Variants in ABR observed in about 807,000 individuals in gnomAD.
ABR encodes the protein active breakpoint cluster region-related protein.
A neutral mutation model predicts 107.2 loss-of-function variants in ABR; 35 were observed. The observed-to-expected ratio is 0.33, with a 90% CI of 0.25 to 0.43. The LOEUF is 0.43. ABR is among the 20% of genes least tolerant of loss of function. ABR has a pLI of 1.00. For synonymous variants in ABR, 498 were observed against 462.0 expected, an observed-to-expected ratio of 1.08 and a Z score of -1.00; for missense variants, 815 against 1,115.2, an observed-to-expected ratio of 0.73 and a Z score of 3.83.
intron 1 of ABR, among the ~76,000 whole-genome samples, chr17:1,169,124 C>T (rs963012923): frequency 3.3e-5 from 5 of 152,136 alleles, no homozygotes; most frequent in Non-Finnish European, 5.9e-5. Flanking sequence ...GGAGGGAGGA[C>T]GTGGGTTTTG....
chr17:1,008,343 C>T (rs2070227002), intron 21 of ABR, among the ~76,000 whole-genome samples: 1 of 152,238 alleles, frequency 6.6e-6, no homozygotes, highest in Admixed American at 6.5e-5. Flanking sequence ...CCATCATTCC[C>T]ACCCTCCAGG....
At chr17:1,008,170 C>T (rs919402733) in intron 21 of ABR, among the ~76,000 whole-genome samples, 3 of 152,232 alleles carry the variant, frequency 2.0e-5, no homozygotes, top group South Asian at 4.1e-4. Flanking sequence ...AGATGCTCTG[C>T]GATGCTTCCC....
chr17:1,160,057 T>A (rs1256601917), intron 1 of ABR, among the ~76,000 whole-genome samples: 1 of 152,140 alleles, frequency 6.6e-6, no homozygotes, highest in Non-Finnish European at 1.5e-5. Context: ...CAGCAGGCCC[T>A]GCCTGGAGAC....
chr17:1,059,612 G>A lies in ABR; in HGVS notation c.1183-745C>T, dbSNP rs74925477. On this transcript the variant is annotated intron_variant, in intron 10 of 22. Transcript: ENST00000302538. ...GGCAGACAACCCACCAGGTCCCGTC[G>A]GCTCAGCCTCCCCCTCTCACCAGAC... Among the ~76,000 whole-genome samples the A allele has an allele frequency of 8.5e-5, 13 of 152,260 alleles. No homozygotes were observed. In the East Asian group the frequency reaches 1.5e-3, roughly 18 times the overall value.
upstream of ABR, among the ~76,000 whole-genome samples, chr17:1,180,328 C>T (rs1038670112): frequency 6.6e-6 from 1 of 151,864 alleles, no homozygotes; most frequent in Non-Finnish European, 1.5e-5. Context: ...TCTCCAAGCG[C>T]GGCTTCGCGG....
chr17:1,020,763 TGA>T (rs1327949547), intron 16 of ABR, among the ~76,000 whole-genome samples: 10 of 152,210 alleles, frequency 6.6e-5, no homozygotes, highest in Non-Finnish European at 1.2e-4. Context: ...CCTCCAGGGC[TGA>T]GTTTCAGGAA....
chr17:1,111,398 T>C (rs2038668255), intron 2 of ABR, among the ~76,000 whole-genome samples: 1 of 152,064 alleles, frequency 6.6e-6, no homozygotes, highest in Non-Finnish European at 1.5e-5. Context: ...TCACAGGCCC[T>C]CGGTGCCCCC....
chr17:1,213,217 C>G (rs1313239868), intron 1 of ABR, among the ~76,000 whole-genome samples: 3 of 152,184 alleles, frequency 2.0e-5, no homozygotes, highest in African/African-American at 7.2e-5. Flanking sequence ...AGATGTGAAG[C>G]TGCAGATTCT....
chr17:1,204,981 G>T (rs1381197942), intron 1 of ABR, among the ~76,000 whole-genome samples: 1 of 130,714 alleles, frequency 7.7e-6, no homozygotes, highest in Non-Finnish European at 1.5e-5. Flanking sequence ...TCGGCTCACT[G>T]CATCCTCTGC....
intron 1 of ABR, among the ~76,000 whole-genome samples, chr17:1,224,297 T>C (rs1361345454): frequency 6.6e-6 from 1 of 152,148 alleles, no homozygotes; most frequent in African/African-American, 2.4e-5. Flanking sequence ...ACTAAGCGAA[T>C]TGGCAGACTA....
At chr17:1,223,621 G>A (rs995834244) in intron 1 of ABR, among the ~76,000 whole-genome samples, 3 of 152,148 alleles carry the variant, frequency 2.0e-5, no homozygotes, top group Non-Finnish European at 4.4e-5. Flanking sequence ...TGTTCACACT[G>A]CTGTAAAGAA....
chr17:1,079,485 AG>A lies in ABR; in HGVS notation c.640-96del, dbSNP rs2036035279. ...GGCAAGAAGGGGAGTTCTGAAACTC[AG>A]GGTGTACATATGAGAACAGAGGCCG... is the stretch of plus-strand genomic sequence containing the variant. On this transcript the variant is annotated intron_variant, in intron 5 of 22. Transcript: ENST00000302538. The A allele has an allele frequency of 1.6e-5, 19 of 1,199,898 alleles. No homozygotes were observed. The South Asian group carries it at 2.3e-4, about 15-fold the overall frequency. The allele number at this position is 1,199,898 out of a possible 1,614,324, so 74.3% of individuals were successfully genotyped here.
chr17:1,224,688 T>C (rs1004761988), intron 1 of ABR, among the ~76,000 whole-genome samples: 4 of 152,126 alleles, frequency 2.6e-5, no homozygotes, highest in Non-Finnish European at 5.9e-5. Flanking sequence ...CATTCATATT[T>C]TTTAGAGACA....
At chr17:1,203,637 C>T (rs28441365) in intron 1 of ABR, among the ~76,000 whole-genome samples, 144,797 of 152,146 alleles carry the variant, frequency 0.95, 69,320 homozygotes, top group East Asian at 1. Context: ...GCGAGGAGCC[C>T]GGCGAGTGTT....
rs2040661727 is a variant in ABR, at chr17:1,148,732, T to C, written c.62-23365A>G. Among the ~76,000 whole-genome samples the C allele has an allele frequency of 6.6e-6, 1 of 152,196 alleles. No individual in the cohort carries two copies. The highest frequency in any genetic ancestry group is 1.5e-5 in the Non-Finnish European group (1 of 68,028). On this transcript the variant is annotated intron_variant, in intron 1 of 22. Coordinates refer to ENST00000302538, the MANE Select transcript of ABR (RefSeq NM_021962.5). This position sits in a 1 kb window ranked among gnomAD's most constrained non-coding sequence, Gnocchi z 4.9. ...TGTCTTCCACGAAGCCGGTCCCTGG[T>C]GCGCTGGTTTCACAGATGCGGAGTC...
intron 1 of ABR, among the ~76,000 whole-genome samples, chr17:1,193,267 A>ACCCCCCCCCC (rs1369346504): frequency 8.1e-5 from 11 of 135,864 alleles, no homozygotes; most frequent in South Asian, 2.5e-4. Flanking sequence ...TTTCTGGGAC[A>ACCCCCCCCCC]CCCCCTCCCC....
At chr17:1,081,953 A>G (rs2036264341) in intron 5 of ABR, among the ~76,000 whole-genome samples, 1 of 151,516 alleles carries the variant, frequency 6.6e-6, no homozygotes, top group African/African-American at 2.4e-5. Context: ...CACATTTTCC[A>G]AGCTGCATTT....
At chr17:1,039,907 C>T (rs904615624) in intron 16 of ABR, among the ~76,000 whole-genome samples, 38 of 152,198 alleles carry the variant, frequency 2.5e-4, no homozygotes, top group African/African-American at 8.2e-4. Flanking sequence ...CGGTGTCCCA[C>T]GACAGGGAGC....
In ABR at chr17:1,078,489, G is replaced by A. The variant is rs549977539; in HGVS notation, c.700+841C>T. Among the ~76,000 whole-genome samples, 14 of 152,218 alleles carry A rather than the reference G, an allele frequency of 9.2e-5. No individual in the cohort carries two copies. The highest frequency in any genetic ancestry group is 3.1e-4 in the African/African-American group (13 of 41,530). ...CCCTGGCCTCAGGGCTACTACGTCT[G>A]CGGGCACAGCTCGTCGCCGTCTCTC... On this transcript the variant is annotated intron_variant, in intron 6 of 22. Transcript: ENST00000302538. The surrounding 1 kb of genome is among the most constrained non-coding windows in gnomAD (Gnocchi z 7.5).
Sources: gnomAD v4.1 joint callset for allele counts (sites outside exome capture counted in the v4.1 genomes callset) on GRCh38, gnomAD v4.1.1 for gene constraint, Gnocchi (gnomAD v3.1) non-coding constraint, MANE v1.5 for transcripts, NCBI Gene and HGNC (gene_info 2026-07-23, HGNC 2026-07-21) for gene names.